Variants in RBM20 observed in about 807,000 individuals in gnomAD.
The protein encoded by RBM20 is RNA binding motif protein 20, also known as RNA-binding protein 20.
RBM20 carries 51 observed loss-of-function variants against 110.1 expected under a neutral mutation model. The observed-to-expected ratio is 0.46, with a 90% CI of 0.37 to 0.59. The LOEUF (loss-of-function observed/expected upper bound fraction) is 0.59, where lower values mean the gene tolerates loss of function less well. RBM20 is among the 20% of genes least tolerant of loss of function. The pLI, the probability that RBM20 is intolerant of heterozygous loss-of-function variation, is 0.00. For synonymous variants in RBM20, 589 were observed against 618.2 expected (o/e 0.95, Z 0.70); for missense variants, 1,512 against 1,574.9 (o/e 0.96, Z 0.68).
chr10:110,741,577 T>G (rs575785141), intron 1 of RBM20, among the ~76,000 whole-genome samples: 44 of 152,178 alleles, frequency 2.9e-4, no homozygotes, highest in Non-Finnish European at 3.7e-4. Flanking sequence ...TTCTGCCAGC[T>G]TTCAGTCCTA....
chr10:110,803,429 G>A lies in RBM20; in HGVS notation c.1800+3511G>A, dbSNP rs376165489. 3.1e-3 allele frequency among the ~76,000 whole-genome samples: 476 copies of A among 152,280 alleles called. 2 individuals carry two copies. Among genetic ancestry groups the A allele is most frequent in the African/African-American group, 0.011 (448 of 41,556 alleles). On this transcript the variant is annotated intron_variant, in intron 7 of 13. Coordinates refer to ENST00000369519, the MANE Select transcript of RBM20 (RefSeq NM_001134363.3). ...ATAGTATTCTAACAGAGCTTCTCAAGCTTCAGTGTGCATACAGATCACTTG... is the reference window on the plus strand; with the variant it reads ...ATAGTATTCTAACAGAGCTTCTCAAACTTCAGTGTGCATACAGATCACTTG...
intron 1 of RBM20, among the ~76,000 whole-genome samples, chr10:110,754,479 G>A (rs771291478): frequency 1.5e-4 from 23 of 152,026 alleles, no homozygotes; most frequent in Non-Finnish European, 2.8e-4. Context: ...TATATGTTGG[G>A]CCTTCTGACT....
At chr10:110,748,143 G>A (rs1843806236) in intron 1 of RBM20, among the ~76,000 whole-genome samples, 1 of 152,132 alleles carries the variant, frequency 6.6e-6, no homozygotes, top group South Asian at 2.1e-4. Context: ...AAAACAATAG[G>A]CAGCAATGGG....
Position 110,781,794 on chromosome 10 carries a change from G to A in RBM20, c.1185G>A (p.Gln395=), listed in dbSNP as rs1197770534. Residue 395 remains glutamine, a synonymous_variant, in exon 2 of 14, where the codon CAG becomes CAA. Coordinates refer to ENST00000369519, the MANE Select transcript of RBM20 (RefSeq NM_001134363.3). ...CGTTGCTATCTGTGCGGCCCCTGCA[G>A]GCTCATGAGCTGAACGACTTTCACG... ...DQALLSVRPL[Q]AHELNDFHGV... is the part of the protein sequence containing the mutation. 6.4e-7 allele frequency: 1 copy of A among 1,551,708 alleles called. No individual in the cohort carries two copies. Among genetic ancestry groups the A allele is most frequent in the Non-Finnish European group, 8.7e-7 (1 of 1,147,032 alleles).
chr10:110,829,527 A>C (rs1309703355), intron 12 of RBM20, among the ~76,000 whole-genome samples: 2 of 152,294 alleles, frequency 1.3e-5, no homozygotes, highest in African/African-American at 4.8e-5. Context: ...CCCCACTGTC[A>C]GTCCAGGCAG....
At chr10:110,752,329 G>C (rs767918902) in intron 1 of RBM20, among the ~76,000 whole-genome samples, 7 of 152,126 alleles carry the variant, frequency 4.6e-5, no homozygotes, top group Non-Finnish European at 7.3e-5. Context: ...CTTTCACCTA[G>C]TAATGTGTAT....
At chr10:110,797,241 G>A (rs1267315092) in intron 5 of RBM20, among the ~76,000 whole-genome samples, 4 of 152,136 alleles carry the variant, frequency 2.6e-5, no homozygotes, top group African/African-American at 4.8e-5. Flanking sequence ...GCAGTAAGCC[G>A]TGTTTGCACC....
chr10:110,720,986 G>T (rs534127546), intron 1 of RBM20, among the ~76,000 whole-genome samples: 1 of 152,240 alleles, frequency 6.6e-6, no homozygotes, highest in South Asian at 2.1e-4. Flanking sequence ...TCTTCCTCAG[G>T]TATGACCTTC....
chr10:110,804,873 C>G (rs1844675362), intron 7 of RBM20, among the ~76,000 whole-genome samples: 1 of 152,176 alleles, frequency 6.6e-6, no homozygotes, highest in South Asian at 2.1e-4. Flanking sequence ...TGGGGGGAGT[C>G]CTCTTGCCCA....
chr10:110,720,706 G>C (rs4917581), intron 1 of RBM20, among the ~76,000 whole-genome samples: 1 of 99,130 alleles, frequency 1.0e-5, no homozygotes, highest in Non-Finnish European at 2.0e-5. Context: ...CCCTGCCCCT[G>C]CAGCCTGCTC....
At chr10:110,698,065 G>A (rs190047284) in intron 1 of RBM20, among the ~76,000 whole-genome samples, 19 of 152,018 alleles carry the variant, frequency 1.2e-4, no homozygotes, top group African/African-American at 4.3e-4. Flanking sequence ...CCACCAACAC[G>A]CCCGGCTAAT....
intron 1 of RBM20, among the ~76,000 whole-genome samples, chr10:110,684,773 G>A (rs1191687532): frequency 6.6e-6 from 1 of 152,174 alleles, no homozygotes; most frequent in Non-Finnish European, 1.5e-5. Context: ...ATTTACAAGA[G>A]AAAATCGTAG....
At chr10:110,772,389 G>A (rs1457606694) in intron 1 of RBM20, among the ~76,000 whole-genome samples, 4 of 152,220 alleles carry the variant, frequency 2.6e-5, no homozygotes, top group Non-Finnish European at 4.4e-5. Flanking sequence ...GCCTCTGAAC[G>A]AAGCCATATA....
chr10:110,645,983 A>C (rs924686546), intron 1 of RBM20, among the ~76,000 whole-genome samples: 2 of 152,370 alleles, frequency 1.3e-5, no homozygotes, highest in South Asian at 2.1e-4. Context: ...CAATACTTAA[A>C]ATTTCTCTTT....
chr10:110,778,298 G>T (rs1335603754), intron 1 of RBM20, among the ~76,000 whole-genome samples: 2 of 152,178 alleles, frequency 1.3e-5, no homozygotes, highest in Admixed American at 6.5e-5. Flanking sequence ...GGCAATTTTT[G>T]ATTTTTCATG....
chr10:110,686,970 C>T (rs774616624), intron 1 of RBM20, among the ~76,000 whole-genome samples: 8 of 150,092 alleles, frequency 5.3e-5, no homozygotes, highest in Non-Finnish European at 7.4e-5. Context: ...ACCCAGGAGG[C>T]GGAGGTTGCA....
chr10:110,677,705 T>A (rs545749112), intron 1 of RBM20, among the ~76,000 whole-genome samples: 2 of 152,364 alleles, frequency 1.3e-5, no homozygotes, highest in East Asian at 3.9e-4. Flanking sequence ...ACTGGAGTGT[T>A]ACATATTGTT....
intron 7 of RBM20, among the ~76,000 whole-genome samples, chr10:110,800,577 G>A (rs149466430): frequency 2.8e-3 from 428 of 152,152 alleles, no homozygotes; most frequent in African/African-American, 9.6e-3. Flanking sequence ...CACAAATCCC[G>A]TAAAACCACC....
intron 6 of RBM20, among the ~76,000 whole-genome samples, chr10:110,798,658 A>G (rs930505564): frequency 4.6e-5 from 7 of 152,216 alleles, no homozygotes; most frequent in African/African-American, 1.4e-4. Flanking sequence ...CGCTAATGCC[A>G]TAGACTATGA....
Sources: gnomAD v4.1 joint callset for allele counts (sites outside exome capture counted in the v4.1 genomes callset) on GRCh38, gnomAD v4.1.1 for gene constraint, MANE v1.5 for transcripts, NCBI Gene and HGNC (gene_info 2026-07-23, HGNC 2026-07-21) for gene names.